Variants in ZBTB44 observed in about 807,000 individuals in gnomAD.
ZBTB44 encodes zinc finger and BTB domain-containing protein 44.
In ZBTB44, 15 loss-of-function variants were observed where a neutral mutation model predicts 54.0. That is an observed-to-expected ratio of 0.28 (90% CI 0.19 to 0.43). The LOEUF (loss-of-function observed/expected upper bound fraction) is 0.43. Among genes scored for constraint, ZBTB44 ranks in the 20% least tolerant of loss-of-function variants. The probability of loss-of-function intolerance (pLI) is 1.00; values close to 1 mark genes in which losing one functional copy is unlikely to be tolerated. For synonymous variants in ZBTB44, 230 were observed against 250.1 expected, an observed-to-expected ratio of 0.92 and a Z score of 0.76; for missense variants, 487 against 707.1, an observed-to-expected ratio of 0.69 and a Z score of 3.53.
chr11:130,314,168 G>C (rs571424170), intron 1 of ZBTB44, among the ~76,000 whole-genome samples: 41 of 152,268 alleles, frequency 2.7e-4, no homozygotes, highest in Non-Finnish European at 4.9e-4. Context: ...ACTGCTCCGG[G>C]ACCGCGGGGC....
chr11:130,259,885 T>C (rs997864637), intron 2 of ZBTB44, among the ~76,000 whole-genome samples: 3 of 151,832 alleles, frequency 2.0e-5, no homozygotes, highest in East Asian at 1.9e-4. Context: ...CAAACCACCA[T>C]GGCATGTGTA....
intron 6 of ZBTB44, chr11:130,233,606 A>G: frequency 1.5e-6 from 2 of 1,302,154 alleles, no homozygotes; most frequent in East Asian, 3.2e-5. Flanking sequence ...CCATTTGTCA[A>G]GCTGTTTAGT....
At chr11:130,312,780 T>G (rs1942691640) in intron 1 of ZBTB44, among the ~76,000 whole-genome samples, 1 of 152,216 alleles carries the variant, frequency 6.6e-6, no homozygotes. Flanking sequence ...AAAGACACTT[T>G]GGAACAACTG....
chr11:130,240,864 C>T (rs977638631), intron 2 of ZBTB44, among the ~76,000 whole-genome samples: 9 of 152,214 alleles, frequency 5.9e-5, no homozygotes, highest in Non-Finnish European at 1.2e-4. Context: ...AGTTTAGTAG[C>T]TTTTGGTTGT....
At chr11:130,295,290 T>C (rs1941573833) in intron 1 of ZBTB44, among the ~76,000 whole-genome samples, 1 of 152,116 alleles carries the variant, frequency 6.6e-6, no homozygotes, top group African/African-American at 2.4e-5. Flanking sequence ...AATGGAGACA[T>C]GTCTCAAGAG....
intron 2 of ZBTB44, among the ~76,000 whole-genome samples, chr11:130,242,206 C>A (rs1954397857): frequency 6.6e-6 from 1 of 152,058 alleles, no homozygotes; most frequent in Non-Finnish European, 1.5e-5. Flanking sequence ...TATTGGTTGC[C>A]TTAGAAATTA....
At chr11:130,314,143 T>C (rs1011823876) in intron 1 of ZBTB44, among the ~76,000 whole-genome samples, 1 of 152,136 alleles carries the variant, frequency 6.6e-6, no homozygotes, top group Non-Finnish European at 1.5e-5. Flanking sequence ...GGCAGCTCCC[T>C]GGAAGGTCGG....
chr11:130,274,441 T>G (rs1471325623), intron 1 of ZBTB44, among the ~76,000 whole-genome samples: 1 of 152,182 alleles, frequency 6.6e-6, no homozygotes, highest in Non-Finnish European at 1.5e-5. Context: ...TTGTTCCTAG[T>G]CTTAGAAGGG....
intron 1 of ZBTB44, among the ~76,000 whole-genome samples, chr11:130,272,230 CAA>C (rs1024944222): frequency 6.4e-5 from 9 of 140,746 alleles, no homozygotes; most frequent in Admixed American, 2.9e-4. Context: ...ACTCCGTCTC[CAA>C]AAAAAAAAAG....
At chr11:130,308,900 G>A (rs1274444235) in intron 1 of ZBTB44, among the ~76,000 whole-genome samples, 1 of 152,230 alleles carries the variant, frequency 6.6e-6, no homozygotes, top group Non-Finnish European at 1.5e-5. Context: ...GGGAAAAGGA[G>A]TCAGGCGGGT....
Position 130,294,990 on chromosome 11 carries a change from T to C in ZBTB44, c.-57+19385A>G, listed in dbSNP as rs542265696. 1.2e-3 allele frequency among the ~76,000 whole-genome samples: 190 copies of C among 152,216 alleles called. No individual in the cohort carries two copies. The Middle Eastern group carries it at 0.024, about 19-fold the overall frequency. ...TCAACTGCATATACGCTTTAAAATA[T>C]GTATACAAGTGGAAGCAACGTCAGC... On this transcript the variant is annotated intron_variant, in intron 1 of 7. Coordinates refer to ENST00000357899, the MANE Select transcript of ZBTB44 (RefSeq NM_001301098.2).
intron 1 of ZBTB44, among the ~76,000 whole-genome samples, chr11:130,267,869 C>T (rs1316395072): frequency 3.3e-5 from 5 of 150,124 alleles, no homozygotes; most frequent in Non-Finnish European, 5.9e-5. Context: ...GTCAGGAGTT[C>T]GAGACCAACC....
At chr11:130,301,902 G>A (rs1433051474) in intron 1 of ZBTB44, among the ~76,000 whole-genome samples, 4 of 151,776 alleles carry the variant, frequency 2.6e-5, no homozygotes, top group African/African-American at 9.7e-5. Context: ...AATTAGATGG[G>A]AGTGGTGGAG....
At chr11:130,266,800 C>CTTGTGGA (rs1448736417) in intron 1 of ZBTB44, among the ~76,000 whole-genome samples, 1 of 152,170 alleles carries the variant, frequency 6.6e-6, no homozygotes, top group Non-Finnish European at 1.5e-5. Context: ...GGAGTTGCTC[C>CTTGTGGA]TTGTGGATAA....
At chr11:130,296,245 G>A in intron 1 of ZBTB44, 6 of 1,365,658 alleles carry the variant, frequency 4.4e-6, no homozygotes, top group African/African-American at 1.5e-5. Flanking sequence ...ACAGTGGATG[G>A]TCTTGAGCAG....
At position 130,281,516 on chromosome 11, in the gene ZBTB44, A is replaced by AAATAAAT. The variant is rs1940503081; in HGVS notation, c.-56-19588_-56-19587insATTTATT. ...GCCTGGGCAACAGAGACCCTGTCTC[A>AAATAAAT]AAATAAATAAATAAATAAATAAATA... On this transcript the variant is annotated intron_variant, in intron 1 of 7. Transcript: ENST00000357899. 2.6e-3 allele frequency among the ~76,000 whole-genome samples: 362 copies of AAATAAAT among 138,840 alleles called. 2 individuals are homozygous for AAATAAAT. The highest frequency in any genetic ancestry group is 8.9e-3 in the African/African-American group (310 of 34,940). The allele number at this position is 138,840 out of a possible 152,430, so 91.1% of individuals were successfully genotyped here. A position where few individuals can be genotyped will look rare whatever the true frequency, so the allele number is the denominator to read the frequency against.
At chr11:130,244,670 A>G (rs1243195866) in intron 2 of ZBTB44, among the ~76,000 whole-genome samples, 2 of 108,500 alleles carry the variant, frequency 1.8e-5, no homozygotes, top group African/African-American at 3.3e-5. Flanking sequence ...CTGTCTGGAA[A>G]AAAAAAAAAA....
chr11:130,233,988 A>C (rs1206081709), intron 6 of ZBTB44, 168 bp downstream of exon 6: 1 of 1,484,550 alleles, frequency 6.7e-7, no homozygotes, highest in Non-Finnish European at 9.0e-7. Flanking sequence ...CCAAATCACA[A>C]AACTACTCAA....
chr11:130,252,746 C>T (rs1031235359), intron 2 of ZBTB44, among the ~76,000 whole-genome samples: 2 of 152,160 alleles, frequency 1.3e-5, no homozygotes, highest in African/African-American at 4.8e-5. Flanking sequence ...ATACCAAAGC[C>T]TGGCAGAGAC....
Sources: gnomAD v4.1 joint callset for allele counts (sites outside exome capture counted in the v4.1 genomes callset) on GRCh38, gnomAD v4.1.1 for gene constraint, MANE v1.5 for transcripts, NCBI Gene and HGNC (gene_info 2026-07-23, HGNC 2026-07-21) for gene names.